The following CPAP variants were observed in gnomAD, a reference collection of about 807,000 sequenced individuals.
CPAP encodes the protein centrosome assembly and centriole elongation protein.
the CPAP span, among the ~76,000 whole-genome samples, chr13:24,919,596 T>C: frequency 1.3e-5 from 2 of 152,124 alleles, no homozygotes; most frequent in Non-Finnish European, 2.9e-5. Flanking sequence ...CATCTTTTAA[T>C]TTTTTGTAAA....
chr13:24,884,771 T>TC, the CPAP span, among the ~76,000 whole-genome samples: 1 of 152,138 alleles, frequency 6.6e-6, no homozygotes, highest in Non-Finnish European at 1.5e-5. Flanking sequence ...CTTCTCTCAT[T>TC]CCTCAAGGAT....
chr13:24,913,155 A>G, the CPAP span: 634 of 746,712 alleles, frequency 8.5e-4, no homozygotes, highest in Non-Finnish European at 1.2e-3. Context: ...ACCAAAAATG[A>G]GCCCAAACCT....
chr13:24,910,254 C>T, the CPAP span, among the ~76,000 whole-genome samples: 50,674 of 152,094 alleles, frequency 0.33, 9,097 homozygotes, highest in Admixed American at 0.42. Context: ...GAGACAGTCT[C>T]GCTCTGTCGC....
chr13:24,918,282 AG>A, the CPAP span, among the ~76,000 whole-genome samples: 1 of 152,238 alleles, frequency 6.6e-6, no homozygotes, highest in African/African-American at 2.4e-5. Flanking sequence ...CAAAGCGAAC[AG>A]AAAAAGTTTT....
chr13:24,890,420 A>G, the CPAP span, among the ~76,000 whole-genome samples: 1 of 152,112 alleles, frequency 6.6e-6, no homozygotes, highest in African/African-American at 2.4e-5. Context: ...CACAGCTGAC[A>G]TGGCCCTACG....
chr13:24,906,263 C>T, the CPAP span: 4 of 1,601,574 alleles, frequency 2.5e-6, no homozygotes, highest in South Asian at 4.5e-5. Flanking sequence ...TGAGGAATTA[C>T]TAGAAAATGA....
chr13:24,923,774 ACTT>A, the CPAP span, among the ~76,000 whole-genome samples: 7 of 152,172 alleles, frequency 4.6e-5, no homozygotes, highest in Non-Finnish European at 1.0e-4. Context: ...AAAAGAGTCT[ACTT>A]CTCTAAATCA....
the CPAP span, chr13:24,883,978 A>G: frequency 3.8e-5 from 62 of 1,614,046 alleles, no homozygotes; most frequent in Non-Finnish European, 4.5e-5. Flanking sequence ...TACTCTGACA[A>G]TTGTACCATC....
chr13:24,884,334 C>T, the CPAP span: 1 of 1,614,178 alleles, frequency 6.2e-7, no homozygotes, highest in African/African-American at 1.3e-5. Flanking sequence ...ACTCTTTGGT[C>T]TGGCATGACC....
the CPAP span, among the ~76,000 whole-genome samples, chr13:24,891,729 T>C: frequency 0.15 from 22,809 of 152,116 alleles, 1,913 homozygotes; most frequent in South Asian, 0.32. Context: ...CCGGCCACCC[T>C]TCATTCAGAG....
At chr13:24,902,951 G>A in the CPAP span, among the ~76,000 whole-genome samples, 243 of 152,264 alleles carry the variant, frequency 1.6e-3, no homozygotes, top group African/African-American at 5.7e-3. Flanking sequence ...AATACGGTGT[G>A]TATGTGACAT....
the CPAP span, chr13:24,899,321 TAC>T: frequency 0.12 from 104,526 of 865,218 alleles, 6,996 homozygotes; most frequent in Non-Finnish European, 0.15. Flanking sequence ...AATGGATTGA[TAC>T]ACAGTTTTGC....
the CPAP span, among the ~76,000 whole-genome samples, chr13:24,894,672 G>C: frequency 6.6e-6 from 1 of 152,230 alleles, no homozygotes; most frequent in Non-Finnish European, 1.5e-5. Context: ...CCAGCCAGCG[G>C]TAAGGATGGG....
At chr13:24,916,415 A>G in the CPAP span, among the ~76,000 whole-genome samples, 1 of 152,266 alleles carries the variant, frequency 6.6e-6, no homozygotes, top group Non-Finnish European at 1.5e-5. Flanking sequence ...AAAAATATAA[A>G]CAGAAAAAGA....
the CPAP span, among the ~76,000 whole-genome samples, chr13:24,883,635 T>G: frequency 6.6e-6 from 1 of 152,222 alleles, no homozygotes; most frequent in African/African-American, 2.4e-5. Flanking sequence ...CTTTTGGTTG[T>G]TATATTAAAA....
the CPAP span, among the ~76,000 whole-genome samples, chr13:24,907,441 T>A: frequency 2.0e-5 from 3 of 152,182 alleles, no homozygotes; most frequent in African/African-American, 7.2e-5. Flanking sequence ...CGACCACAGA[T>A]TAACACATGG....
the CPAP span, among the ~76,000 whole-genome samples, chr13:24,929,556 T>G: frequency 6.6e-6 from 1 of 152,254 alleles, no homozygotes; most frequent in Non-Finnish European, 1.5e-5. Flanking sequence ...TCTCTGTCTT[T>G]GGCTTTCAAC....
chr13:24,883,963 C>A, the CPAP span: 14 of 1,613,936 alleles, frequency 8.7e-6, no homozygotes, highest in Non-Finnish European at 1.2e-5. Context: ...GTTGCCATAC[C>A]GTTGTACTCT....
the CPAP span, chr13:24,912,447 CA>C: frequency 1.3e-6 from 1 of 761,532 alleles, no homozygotes; most frequent in Non-Finnish European, 2.1e-6. Flanking sequence ...TCACATTAGA[CA>C]AAGGGCAAAA....
Sources: allele counts gnomAD v4.1 joint callset (sites outside exome capture counted in the v4.1 genomes callset), GRCh38; gene constraint gnomAD v4.1.1; transcripts MANE v1.5; gene names NCBI Gene and HGNC (gene_info 2026-07-23, HGNC 2026-07-21).